ASIC2: variants seen among roughly 807,000 people sequenced by gnomAD.
ASIC2 encodes acid sensing ion channel subunit 2.
ASIC2 carries 25 observed loss-of-function variants against 57.3 expected under a neutral mutation model. That is an observed-to-expected ratio of 0.44 (90% confidence interval 0.32 to 0.61). The LOEUF is 0.61. ASIC2 is among the 20% of genes least tolerant of loss of function. The pLI, the probability that ASIC2 is intolerant of heterozygous loss-of-function variation, is 0.06. For synonymous variants in ASIC2, 319 were observed against 307.5 expected (o/e 1.04, Z -0.39); for missense variants, 641 against 738.1 (o/e 0.87, Z 1.52).
intron 3 of ASIC2, among the ~76,000 whole-genome samples, chr17:33,050,027 C>T (rs761044802): frequency 6.6e-6 from 1 of 152,120 alleles, no homozygotes; most frequent in Non-Finnish European, 1.5e-5. Context: ...CTTTTTGAAC[C>T]AGATGGGAAT....
chr17:34,106,751 C>T (rs1911072839), intron 1 of ASIC2, among the ~76,000 whole-genome samples: 1 of 152,124 alleles, frequency 6.6e-6, no homozygotes, highest in Admixed American at 6.5e-5. Context: ...GACATCCTCC[C>T]ACCATGTTTT....
chr17:33,837,974 T>C (rs1913323667), intron 1 of ASIC2, among the ~76,000 whole-genome samples: 1 of 152,190 alleles, frequency 6.6e-6, no homozygotes, highest in South Asian at 2.1e-4. Flanking sequence ...ACCAATCTGC[T>C]TGGATATGGC....
chr17:33,160,206 T>TA (rs34143186), intron 1 of ASIC2, among the ~76,000 whole-genome samples: 174 of 129,654 alleles, frequency 1.3e-3, no homozygotes, highest in South Asian at 0.01. Context: ...GAGACCCTGT[T>TA]AAAAAAAAAA....
chr17:33,879,000 C>G (rs908972717), intron 1 of ASIC2, among the ~76,000 whole-genome samples: 4 of 152,096 alleles, frequency 2.6e-5, no homozygotes, highest in African/African-American at 9.7e-5. Flanking sequence ...TCATATCCAG[C>G]CAAGCTAAGC....
At chr17:33,507,642 G>A (rs1289587296) in intron 1 of ASIC2, among the ~76,000 whole-genome samples, 4 of 151,924 alleles carry the variant, frequency 2.6e-5, no homozygotes, top group Non-Finnish European at 4.4e-5. Context: ...GGTGGCTCAC[G>A]CCTGTAATAC....
At chr17:33,078,325 G>T (rs543284459) in intron 3 of ASIC2, among the ~76,000 whole-genome samples, 61 of 152,294 alleles carry the variant, frequency 4.0e-4, no homozygotes, top group African/African-American at 1.4e-3. Flanking sequence ...CCAGGCTGGG[G>T]CTGCCATGTC....
At chr17:33,975,650 C>T (rs937322534) in intron 1 of ASIC2, among the ~76,000 whole-genome samples, 10 of 152,190 alleles carry the variant, frequency 6.6e-5, no homozygotes, top group East Asian at 1.9e-4. Flanking sequence ...CTGTTTGACT[C>T]GGCTGGAGAC....
chr17:33,741,969 C>T (rs1910125977), intron 1 of ASIC2, among the ~76,000 whole-genome samples: 2 of 152,320 alleles, frequency 1.3e-5, no homozygotes, highest in African/African-American at 4.8e-5. Context: ...TTATTCCTAC[C>T]ATGAGGAAAG....
intron 1 of ASIC2, among the ~76,000 whole-genome samples, chr17:33,625,129 G>A (rs866492071): frequency 6.8e-6 from 1 of 146,440 alleles, no homozygotes; most frequent in African/African-American, 2.5e-5. Flanking sequence ...TGGCCTCTCT[G>A]TCTATCTATC....
chr17:33,739,390 G>C (rs1597856511), intron 1 of ASIC2, among the ~76,000 whole-genome samples: 1 of 152,350 alleles, frequency 6.6e-6, no homozygotes, highest in East Asian at 1.9e-4. Context: ...TCACTGTTAT[G>C]TGTGACCTTA....
intron 1 of ASIC2, among the ~76,000 whole-genome samples, chr17:33,667,950 G>A (rs1185776369): frequency 6.6e-6 from 1 of 152,144 alleles, no homozygotes; most frequent in Non-Finnish European, 1.5e-5. Context: ...GAAAGTCCAG[G>A]CCTGCTCAAA....
intron 1 of ASIC2, among the ~76,000 whole-genome samples, chr17:33,635,255 A>G (rs1906318646): frequency 6.6e-6 from 1 of 152,220 alleles, no homozygotes; most frequent in Non-Finnish European, 1.5e-5. Flanking sequence ...AACGTAGCTA[A>G]GATTCAGTGA....
chr17:34,087,925 C>G (rs1910171801), intron 1 of ASIC2, among the ~76,000 whole-genome samples: 1 of 152,158 alleles, frequency 6.6e-6, no homozygotes, highest in Admixed American at 6.5e-5. Flanking sequence ...ATTGGTTATT[C>G]TAGTTATACA....
chr17:33,567,101 G>A (rs544134294), intron 1 of ASIC2, among the ~76,000 whole-genome samples: 11 of 152,274 alleles, frequency 7.2e-5, no homozygotes, highest in African/African-American at 2.4e-4. Context: ...CATATGTGCT[G>A]TTATGACTAT....
intron 1 of ASIC2, among the ~76,000 whole-genome samples, chr17:33,976,134 T>G (rs1905376632): frequency 6.8e-6 from 1 of 147,740 alleles, no homozygotes; most frequent in African/African-American, 2.5e-5. Context: ...AATACCCCAT[T>G]TACAGATGAT....
intron 1 of ASIC2, among the ~76,000 whole-genome samples, chr17:33,879,799 T>C (rs1914652602): frequency 6.6e-6 from 1 of 152,196 alleles, no homozygotes; most frequent in Non-Finnish European, 1.5e-5. Context: ...CAACAGAATA[T>C]ACATTGTTTT....
rs72819200 is a variant in ASIC2, at chr17:33,333,723, C to T, written c.556-221656G>A. 5.2e-3 allele frequency among the ~76,000 whole-genome samples: 796 copies of T among 152,236 alleles called. 3 individuals carry two copies. The highest frequency in any genetic ancestry group is 7.4e-3 in the Non-Finnish European group (504 of 68,008). ...ACAAAAAAAAGCAATTAAAAACTTTCCACTCTTGCATGTGATTAGAAAATC... is the reference window on the plus strand; with the variant it reads ...ACAAAAAAAAGCAATTAAAAACTTTTCACTCTTGCATGTGATTAGAAAATC... On this transcript the variant is annotated intron_variant, in intron 1 of 9. Transcript: ENST00000359872.
At chr17:34,153,693 T>C (rs565814370) in intron 1 of ASIC2, among the ~76,000 whole-genome samples, 2 of 152,306 alleles carry the variant, frequency 1.3e-5, no homozygotes, top group African/African-American at 4.8e-5. Context: ...CCTGAACAAC[T>C]TGAACAGCAG....
intron 1 of ASIC2, among the ~76,000 whole-genome samples, chr17:33,900,274 A>C (rs1277139349): frequency 6.6e-6 from 1 of 152,192 alleles, no homozygotes; most frequent in Non-Finnish European, 1.5e-5. Flanking sequence ...TTCATCCCCT[A>C]GATGGAGTCT....
Sources: gnomAD v4.1 joint callset for allele counts (sites outside exome capture counted in the v4.1 genomes callset) on GRCh38, gnomAD v4.1.1 for gene constraint, MANE v1.5 for transcripts, NCBI Gene and HGNC (gene_info 2026-07-23, HGNC 2026-07-21) for gene names.